Variants in DNASE1L2 observed in about 807,000 individuals in gnomAD.
DNASE1L2 encodes deoxyribonuclease-1-like 2.
A neutral mutation model predicts 31.8 loss-of-function variants in DNASE1L2; 35 were observed. The ratio of observed to expected loss-of-function variants is 1.10; its 90% CI spans 0.84 to 1.46. DNASE1L2 has a LOEUF of 1.46. Ranked by LOEUF, DNASE1L2 falls within the 40% of genes most tolerant of loss-of-function variation. The pLI is 0.00. For synonymous variants in DNASE1L2, 211 were observed against 186.5 expected (o/e 1.13, Z -1.07); for missense variants, 504 against 418.8 (o/e 1.20, Z -1.77).
intron 2 of DNASE1L2, 33 bp downstream of exon 2, chr16:2,236,993 G>T: frequency 6.5e-7 from 1 of 1,546,538 alleles, no homozygotes; most frequent in Non-Finnish European, 8.7e-7. Flanking sequence ...GCGGCGTTTA[G>T]GGGTGCTGAC....
Position 2,236,574 on chromosome 16 carries a change from C to G in DNASE1L2, c.-40+14C>G. 1 of 1,290,398 alleles carries G rather than the reference C, an allele frequency of 7.7e-7. No individual in the cohort carries two copies. Among genetic ancestry groups the G allele is most frequent in the Middle Eastern group, 2.9e-4 (1 of 3,398 alleles). The allele number at this position is 1,290,398 out of a possible 1,614,324, so 79.9% of individuals were successfully genotyped here. ...CCCACATCCAAGGTGAGTCTCTCGG[C>G]TGCCCTGAGCTGGGGCTGGATGGGC... On this transcript the variant is annotated intron_variant, in intron 1 of 6. Transcript: ENST00000320700.
Position 2,237,222 on chromosome 16 carries a change from T to A in DNASE1L2, c.238T>A (p.Ser80Thr), listed in dbSNP as rs2093514189. Residue 80 changes from serine to threonine, a missense_variant, in exon 4 of 7, where the codon TCC becomes ACC. Coordinates refer to ENST00000320700, the MANE Select transcript of DNASE1L2 (RefSeq NM_001374.3). ...SALMEQINSV[S>T]EHEYSFVSSQ... ...AGCGGGCCCCTGTCTCCGCAGCGTG[T>A]CCGAGCACGAGTACAGCTTTGTGAG... is the stretch of plus-strand genomic sequence containing the variant. 6.4e-7 allele frequency: 1 copy of A among 1,573,418 alleles called. No individual in the cohort carries two copies. Among genetic ancestry groups the A allele is most frequent in the South Asian group, 1.2e-5 (1 of 86,398 alleles).
rs2093519424 is a variant in DNASE1L2, at chr16:2,238,392, G to C, written c.874G>C (p.Glu292Gln). The C allele has an allele frequency of 2.5e-6, 4 of 1,613,508 alleles. No homozygotes were observed. The highest frequency in any genetic ancestry group is 1.3e-5 in the African/African-American group (1 of 75,060). The stretch of plus-strand genomic sequence containing the variant: ...TGCCATCAGCGACCACTTTCCAGTG[G>C]AGGTGACCCTCAAGTTCCACCGATG... Reference protein sequence around the residue: ...ALAISDHFPVEVTLKFHR With the variant: ...ALAISDHFPVQVTLKFHR The change falls in exon 7 of 7, where the codon GAG becomes CAG. Residue 292 changes from glutamate to glutamine, a missense_variant. By Grantham distance (29) the Glu-to-Gln change is conservative. Coordinates refer to ENST00000320700, the MANE Select transcript of DNASE1L2 (RefSeq NM_001374.3).
rs1481852542 is a variant in DNASE1L2, at chr16:2,237,424, G to A, written c.366G>A (p.Glu122=). 3.1e-6 allele frequency: 5 copies of A among 1,598,690 alleles called. No individual in the cohort carries two copies. Among genetic ancestry groups the A allele is most frequent in the East Asian group, 2.3e-5 (1 of 44,380 alleles). ...VVDTYLYPDP[E]DVFSREPFVV... ...ACACCTACCTGTACCCAGACCCCGAGGACGTCTTCAGCCGCGAGCCCTTCG... is the reference window on the plus strand; with the variant it reads ...ACACCTACCTGTACCCAGACCCCGAAGACGTCTTCAGCCGCGAGCCCTTCG... Residue 122 remains glutamate (E), a synonymous_variant, in exon 5 of 7, where the codon GAG becomes GAA. Transcript: ENST00000320700.
intron 4 of DNASE1L2, 21 bp downstream of exon 4, chr16:2,237,322 A>C: frequency 6.3e-7 from 1 of 1,591,320 alleles, no homozygotes; most frequent in Non-Finnish European, 8.5e-7. Flanking sequence ...GGCCGCAGGG[A>C]GGGGCGCGCG....
In DNASE1L2 at chr16:2,237,603, C is replaced by T. The variant is rs761490229; in HGVS notation, c.545C>T (p.Ala182Val). ...APHQAVAEID[A>V]LYDVYLDVID... The stretch of plus-strand genomic sequence containing the variant: ...CATCAAGCCGTGGCGGAGATCGACG[C>T]GCTCTACGACGTGTACCTGGACGTG... Residue 182 changes from alanine (A) to valine (V), a missense_variant, in exon 5 of 7, where the codon GCG becomes GTG. Coordinates refer to ENST00000320700, the MANE Select transcript of DNASE1L2 (RefSeq NM_001374.3). The T allele has an allele frequency of 1.2e-6, 2 of 1,611,274 alleles. No individual in the cohort carries two copies. The highest frequency in any genetic ancestry group is 1.3e-5 in the African/African-American group (1 of 74,824).
At position 2,237,807 on chromosome 16, in the gene DNASE1L2, ATG is replaced by A; in HGVS notation, c.635_636del (p.Val212AlafsTer14). 1.9e-6 allele frequency: 3 copies of A among 1,610,526 alleles called. No individual in the cohort carries two copies. The highest frequency in any genetic ancestry group is 2.5e-6 in the Non-Finnish European group (3 of 1,178,940). Reference sequence around the variant, plus strand: ...GGCGACTTCAACGCCGACTGCAGCTATGTGCGGGCGCAGGACTGGGCCGCCAT... The same window carrying A: ...GGCGACTTCAACGCCGACTGCAGCTATGCGGGCGCAGGACTGGGCCGCCAT... On this transcript the variant is annotated frameshift_variant, in exon 6 of 7. Transcript: ENST00000320700. LOFTEE classifies it high-confidence loss of function.
rs1418457762 is a variant in DNASE1L2 at position 2,236,921 on chromosome 16, CAA to C, written c.107_108del (p.Lys36SerfsTer18). On this transcript the variant is annotated frameshift_variant, in exon 2 of 7. Coordinates refer to ENST00000320700, the MANE Select transcript of DNASE1L2 (RefSeq NM_001374.3). LOFTEE classifies it high-confidence loss of function. ...AFNIQSFGDS[K>X]VSDPACGSII... ...TCAACATTCAGAGCTTCGGTGACAG[CAA>C]AGTGTCGGACCCCGCTTGCGGCAGC... is the stretch of plus-strand genomic sequence containing the variant. The C allele has an allele frequency of 6.3e-7, 1 of 1,582,888 alleles. No homozygotes were observed. The highest frequency in any genetic ancestry group is 8.6e-7 in the Non-Finnish European group (1 of 1,164,664).
rs979770202 is a variant in DNASE1L2, at chr16:2,237,382, C to A, written c.324C>A (p.Asp108Glu). 4.4e-6 allele frequency: 7 copies of A among 1,602,790 alleles called. No homozygotes were observed. Among genetic ancestry groups the A allele is most frequent in the Admixed American group, 1.7e-5 (1 of 59,196 alleles). Reference protein sequence around the residue: ...KEMYLFVYRKDAVSVVDTYLY... With the variant: ...KEMYLFVYRKEAVSVVDTYLY... ...GGTCCTCCCCATCTCCTAGGAAAGACGCGGTGTCGGTCGTGGACACCTACC... is the reference window on the plus strand; with the variant it reads ...GGTCCTCCCCATCTCCTAGGAAAGAAGCGGTGTCGGTCGTGGACACCTACC... Residue 108 changes from aspartate (D) to glutamate (E), a missense_variant, in exon 5 of 7, where the codon GAC becomes GAA. Physicochemically the swap from Asp to Glu is conservative, Grantham distance 45. Coordinates refer to ENST00000320700, the MANE Select transcript of DNASE1L2 (RefSeq NM_001374.3).
At chr16:2,238,151 C>T (rs937201969) in intron 6 of DNASE1L2, 133 bp downstream of exon 6, 1 of 1,441,384 alleles carries the variant, frequency 6.9e-7, no homozygotes, top group African/African-American at 1.4e-5. Context: ...TTCCAAGGAC[C>T]CTGGAGAGCC....
In DNASE1L2 at chr16:2,238,571, C is replaced by G. The variant is rs2093520039; in HGVS notation, c.*153C>G. 2.3e-6 allele frequency: 2 copies of G among 857,752 alleles called. No homozygotes were observed. Among genetic ancestry groups the G allele is most frequent in the Non-Finnish European group, 3.7e-6 (2 of 536,656 alleles). The allele number at this position is 857,752 out of a possible 1,614,324, so 53.1% of individuals were successfully genotyped here. A position where few individuals can be genotyped will look rare whatever the true frequency, so the allele number is the denominator to read the frequency against. On this transcript the variant is annotated 3_prime_UTR_variant, in exon 7 of 7. Transcript: ENST00000320700. The stretch of plus-strand genomic sequence containing the variant: ...GGGGCCATGGACACGTGATGTGCTG[C>G]TCTGTACCTCCGTTCCCCATCTGTG...
Position 2,236,766 on chromosome 16 carries a change from G to T in DNASE1L2, c.-39-12G>T. The T allele has an allele frequency of 6.6e-7, 1 of 1,523,316 alleles. No homozygotes were observed. The highest frequency in any genetic ancestry group is 2.3e-5 in the East Asian group (1 of 42,926). The allele number at this position is 1,523,316 out of a possible 1,614,324, so 94.4% of individuals were successfully genotyped here. On this transcript the variant is annotated splice_polypyrimidine_tract_variant and intron_variant, in intron 1 of 6. Coordinates refer to ENST00000320700, the MANE Select transcript of DNASE1L2 (RefSeq NM_001374.3). The stretch of plus-strand genomic sequence containing the variant: ...GGGGTGGGTCGGTGGGTCTGACAGC[G>T]GGTCTGCGTAGGCGGCAGCGTCTGT...
chr16:2,237,397 G>T lies in DNASE1L2; in HGVS notation c.339G>T (p.Val113=). 1 of 1,601,680 alleles carries T rather than the reference G, an allele frequency of 6.2e-7. No homozygotes were observed. Among genetic ancestry groups the T allele is most frequent in the Non-Finnish European group, 8.5e-7 (1 of 1,176,938 alleles). ...CTAGGAAAGACGCGGTGTCGGTCGT[G>T]GACACCTACCTGTACCCAGACCCCG... ...FVYRKDAVSV[V]DTYLYPDPED... The change falls in exon 5 of 7, where the codon GTG becomes GTT. Residue 113 remains valine (V), a synonymous_variant. Coordinates refer to ENST00000320700, the MANE Select transcript of DNASE1L2 (RefSeq NM_001374.3).
At position 2,237,375 on chromosome 16, in the gene DNASE1L2, G is replaced by A; in HGVS notation, c.318-1G>A. 6.2e-7 allele frequency: 1 copy of A among 1,602,844 alleles called. No homozygotes were observed. The highest frequency in any genetic ancestry group is 8.5e-7 in the Non-Finnish European group (1 of 1,176,726). ...CTCAGCGGGTCCTCCCCATCTCCTAGGAAAGACGCGGTGTCGGTCGTGGAC... is the reference window on the plus strand; with the variant it reads ...CTCAGCGGGTCCTCCCCATCTCCTAAGAAAGACGCGGTGTCGGTCGTGGAC... On this transcript the variant is annotated splice_acceptor_variant, in intron 4 of 6. Coordinates refer to ENST00000320700, the MANE Select transcript of DNASE1L2 (RefSeq NM_001374.3). LOFTEE classifies it high-confidence loss of function.
At position 2,237,482 on chromosome 16, in the gene DNASE1L2, C is replaced by A; in HGVS notation, c.424C>A (p.Arg142=). Residue 142 remains arginine, a synonymous_variant, in exon 5 of 7, where the codon CGG becomes AGG. Coordinates refer to ENST00000320700, the MANE Select transcript of DNASE1L2 (RefSeq NM_001374.3). ...VKFSAPGTGE[R]APPLPSRRAL... is the part of the protein sequence containing the mutation. ...GTTCTCGGCCCCCGGCACCGGTGAG[C>A]GGGCCCCGCCCCTCCCCTCCCGCCG... 2 of 1,572,374 alleles carry A rather than the reference C, an allele frequency of 1.3e-6. No individual in the cohort carries two copies. The highest frequency in any genetic ancestry group is 1.7e-6 in the Non-Finnish European group (2 of 1,160,626).
Position 2,237,406 on chromosome 16 carries a change from C to T in DNASE1L2, c.348C>T (p.Tyr116=). The part of the protein sequence containing the change: ...RKDAVSVVDT[Y]LYPDPEDVFS... ...ACGCGGTGTCGGTCGTGGACACCTA[C>T]CTGTACCCAGACCCCGAGGACGTCT... is the stretch of plus-strand genomic sequence containing the variant. The change falls in exon 5 of 7, where the codon TAC becomes TAT. Residue 116 remains tyrosine, a synonymous_variant. Transcript: ENST00000320700. 3 of 1,601,268 alleles carry T rather than the reference C, an allele frequency of 1.9e-6. No homozygotes were observed. The highest frequency in any genetic ancestry group is 1.1e-5 in the South Asian group (1 of 89,796).
In DNASE1L2 at chr16:2,236,857, T is replaced by TGGAAGCCGCC. The variant is rs1205761860; in HGVS notation, c.44_53dup (p.Thr19SerfsTer19). 13 of 1,598,746 alleles carry TGGAAGCCGCC rather than the reference T, an allele frequency of 8.1e-6. No homozygotes were observed. Among genetic ancestry groups the TGGAAGCCGCC allele is most frequent in the Non-Finnish European group, 1.1e-5 (13 of 1,174,074 alleles). On this transcript the variant is annotated frameshift_variant, in exon 2 of 7. Transcript: ENST00000320700. LOFTEE classifies it high-confidence loss of function. ...GCTCTGCTGGCCGCACTCTGGGCGC[T>TGGAAGCCGCC]GGAAGCCGCCGGGACCGCCGCGCTT...
At chr16:2,238,272 C>G in intron 6 of DNASE1L2, 90 bp from the exon 7 acceptor site, 1 of 1,551,896 alleles carries the variant, frequency 6.4e-7, no homozygotes, top group South Asian at 1.1e-5. Context: ...CCGCAGGCAG[C>G]AGCAGGGGTG....
intron 3 of DNASE1L2, 42 bp from the exon 4 acceptor site, chr16:2,237,176 C>A: frequency 1.1e-5 from 17 of 1,549,838 alleles, no homozygotes; most frequent in Non-Finnish European, 1.4e-5. Flanking sequence ...GATCTCGCCC[C>A]GGCGCGGCGC....
Sources: gnomAD v4.1 joint callset for allele counts on GRCh38, gnomAD v4.1.1 for gene constraint, MANE v1.5 for transcripts, NCBI Gene and HGNC (gene_info 2026-07-23, HGNC 2026-07-21) for gene names.